USH2A: variants seen among roughly 807,000 people sequenced by gnomAD.
The protein encoded by USH2A is usherin.
In USH2A, 443 loss-of-function variants were observed where a neutral mutation model predicts 538.9. The observed-to-expected ratio is 0.82, with a 90% CI of 0.76 to 0.89. USH2A has a LOEUF of 0.89. Among genes scored for constraint, USH2A ranks in the 40% least tolerant of loss-of-function variants. USH2A has a pLI of 0.00. For synonymous variants in USH2A, 2,413 were observed against 2,273.5 expected, an observed-to-expected ratio of 1.06 and a Z score of -1.75; for missense variants, 6,633 against 6,324.8, an observed-to-expected ratio of 1.05 and a Z score of -1.65.
intron 30 of USH2A, among the ~76,000 whole-genome samples, chr1:216,058,188 C>T (rs2031048972): frequency 7.9e-6 from 1 of 127,262 alleles, no homozygotes; most frequent in African/African-American, 3.3e-5. Context: ...CGCCTATGAA[C>T]ATCCCGCCTC....
chr1:215,689,868 C>G (rs1156470508), intron 61 of USH2A, among the ~76,000 whole-genome samples: 1 of 152,184 alleles, frequency 6.6e-6, no homozygotes, highest in African/African-American at 2.4e-5. Context: ...CCTTATGAGA[C>G]CTCGAACAAA....
chr1:215,749,114 T>C (rs1450472364), intron 58 of USH2A, among the ~76,000 whole-genome samples: 1 of 152,222 alleles, frequency 6.6e-6, no homozygotes, highest in African/African-American at 2.4e-5. Flanking sequence ...ACGAAAATAC[T>C]GTATTATTCA....
At chr1:215,874,005 C>T (rs943678003) in intron 43 of USH2A, among the ~76,000 whole-genome samples, 39 of 152,100 alleles carry the variant, frequency 2.6e-4, no homozygotes, top group African/African-American at 9.2e-4. Context: ...AAAAGGAGAA[C>T]ATGCTCATTG....
intron 41 of USH2A, among the ~76,000 whole-genome samples, chr1:215,882,235 A>G (rs1481005822): frequency 6.6e-6 from 1 of 152,180 alleles, no homozygotes; most frequent in African/African-American, 2.4e-5. Flanking sequence ...TGATGAGACA[A>G]TCCTTGCCAT....
At chr1:216,374,897 C>A (rs935706153) in intron 3 of USH2A, among the ~76,000 whole-genome samples, 2 of 152,114 alleles carry the variant, frequency 1.3e-5, no homozygotes, top group Non-Finnish European at 2.9e-5. Flanking sequence ...TCCAAGGAAT[C>A]CTGGTTCCTC....
intron 60 of USH2A, 75 bp downstream of exon 60, chr1:215,741,300 A>T (rs758123392): frequency 6.6e-7 from 1 of 1,512,102 alleles, no homozygotes; most frequent in Non-Finnish European, 9.2e-7. Context: ...GAAATATAAA[A>T]TGCTCTTGAT....
At chr1:216,098,501 A>G (rs764092104) in intron 21 of USH2A, among the ~76,000 whole-genome samples, 10 of 152,200 alleles carry the variant, frequency 6.6e-5, no homozygotes, top group Non-Finnish European at 1.2e-4. Context: ...AGCCCTACAT[A>G]GGTGGGTGGT....
At position 215,998,858 on chromosome 1, in the gene USH2A, G is replaced by T. The variant is rs79726287; in HGVS notation, c.6657+29C>A. 5,088 of 1,607,778 alleles carry T rather than the reference G, an allele frequency of 3.2e-3. 130 individuals carry two copies. The African/African-American group carries it at 0.061, about 19-fold the overall frequency. On this transcript the variant is annotated intron_variant, in intron 34 of 71. Coordinates refer to ENST00000307340, the MANE Select transcript of USH2A (RefSeq NM_206933.4). ...GGGGAGAAGAAGTGGAAGGAATGGG[G>T]ACAGAGAAAGTGATGGAAATAAACT...
intron 13 of USH2A, among the ~76,000 whole-genome samples, chr1:216,244,451 T>C (rs1010587701): frequency 1.3e-5 from 2 of 152,150 alleles, no homozygotes; most frequent in African/African-American, 4.8e-5. Flanking sequence ...TTTAGGGGAA[T>C]TATTCTGCCA....
Position 216,059,160 on chromosome 1 carries a change from C to T in USH2A, c.6050-10513G>A, listed in dbSNP as rs952300241. ...AGAGCATATTTATATAATATATGAA[C>T]GTACATAACATACACATATACATAC... On this transcript the variant is annotated intron_variant, in intron 30 of 71. Transcript: ENST00000307340. Among the ~76,000 whole-genome samples the T allele has an allele frequency of 7.2e-5, 11 of 152,114 alleles. No individual in the cohort carries two copies. The East Asian group carries it at 9.7e-4, about 13-fold the overall frequency.
intron 34 of USH2A, among the ~76,000 whole-genome samples, chr1:215,997,906 T>C (rs1280040066): frequency 3.9e-5 from 6 of 152,128 alleles, no homozygotes; most frequent in African/African-American, 1.4e-4. Context: ...GAGTCAGTTT[T>C]GAACAGTATT....
chr1:216,365,568 G>T (rs2038581101), intron 3 of USH2A, among the ~76,000 whole-genome samples: 2 of 152,118 alleles, frequency 1.3e-5, no homozygotes, highest in South Asian at 4.1e-4. Flanking sequence ...TATCCGGTTG[G>T]TGATTTTCAG....
chr1:215,986,536 C>G (rs1048980074), intron 35 of USH2A, among the ~76,000 whole-genome samples: 2 of 152,084 alleles, frequency 1.3e-5, no homozygotes, highest in African/African-American at 4.8e-5. Flanking sequence ...ACATGCAGAG[C>G]ACAAACAAGA....
At chr1:216,249,831 G>A (rs559428280) in intron 12 of USH2A, among the ~76,000 whole-genome samples, 1 of 151,978 alleles carries the variant, frequency 6.6e-6, no homozygotes, top group African/African-American at 2.4e-5. Context: ...TATTCAGAAT[G>A]ATATGTACAT....
At chr1:216,032,504 A>T (rs1240437791) in intron 32 of USH2A, among the ~76,000 whole-genome samples, 2 of 152,136 alleles carry the variant, frequency 1.3e-5, no homozygotes, top group Non-Finnish European at 2.9e-5. Context: ...ACTCCCAGTG[A>T]CACACACCTA....
chr1:216,307,642 G>T (rs1211163692), intron 9 of USH2A, among the ~76,000 whole-genome samples: 1 of 152,194 alleles, frequency 6.6e-6, no homozygotes, highest in East Asian at 1.9e-4. Context: ...AGTTCATCTG[G>T]AAGTTTCCTT....
At chr1:216,225,274 C>T (rs2035539134) in intron 14 of USH2A, among the ~76,000 whole-genome samples, 1 of 152,050 alleles carries the variant, frequency 6.6e-6, no homozygotes. Flanking sequence ...AATGGAAAAA[C>T]ATTAAAAAGA....
chr1:216,094,443 A>G (rs1273783345), intron 22 of USH2A, among the ~76,000 whole-genome samples: 1 of 152,070 alleles, frequency 6.6e-6, no homozygotes, highest in Non-Finnish European at 1.5e-5. Context: ...AATCTTACTA[A>G]TTTTAGCAAC....
At chr1:215,643,198 A>G (rs1339564495) in intron 67 of USH2A, among the ~76,000 whole-genome samples, 1 of 152,004 alleles carries the variant, frequency 6.6e-6, no homozygotes, top group Non-Finnish European at 1.5e-5. Flanking sequence ...GGGTTTCACC[A>G]TGCTGGCCAG....
Sources: allele counts gnomAD v4.1 joint callset (sites outside exome capture counted in the v4.1 genomes callset), GRCh38; gene constraint gnomAD v4.1.1; transcripts MANE v1.5; gene names NCBI Gene and HGNC (gene_info 2026-07-23, HGNC 2026-07-21).